HEMK2: variants seen among roughly 807,000 people sequenced by gnomAD.
HEMK2 encodes methyltransferase HEMK2.
the HEMK2 span, among the ~76,000 whole-genome samples, chr21:28,771,523 C>CCA: frequency 1.9e-5 from 2 of 106,182 alleles, no homozygotes; most frequent in East Asian, 5.2e-4. Flanking sequence ...GCACCACCCC[C>CCA]CCCCGCCAAA....
chr21:28,851,844 G>A, the HEMK2 span, among the ~76,000 whole-genome samples: 9 of 152,228 alleles, frequency 5.9e-5, no homozygotes, highest in Non-Finnish European at 1.3e-4. Flanking sequence ...TATACTGCTA[G>A]CCTTGCCAGC....
chr21:28,742,634 T>C, the HEMK2 span, among the ~76,000 whole-genome samples: 1 of 151,268 alleles, frequency 6.6e-6, no homozygotes, highest in Non-Finnish European at 1.5e-5. Context: ...TAATCATAAA[T>C]GATCATTTTT....
the HEMK2 span, among the ~76,000 whole-genome samples, chr21:28,696,063 T>TA: frequency 6.6e-6 from 1 of 152,124 alleles, no homozygotes; most frequent in Non-Finnish European, 1.5e-5. Flanking sequence ...AGGCACATCT[T>TA]ACTATGGCAG....
At chr21:28,773,750 A>T in the HEMK2 span, among the ~76,000 whole-genome samples, 1 of 152,168 alleles carries the variant, frequency 6.6e-6, no homozygotes, top group African/African-American at 2.4e-5. Context: ...CTCTACTGGT[A>T]TTCTGCATCA....
chr21:28,748,261 C>A, the HEMK2 span, among the ~76,000 whole-genome samples: 29,472 of 152,016 alleles, frequency 0.19, 3,573 homozygotes, highest in African/African-American at 0.34. Context: ...CCTGAATCTA[C>A]AATGAACATT....
chr21:28,603,354 A>G, the HEMK2 span, among the ~76,000 whole-genome samples: 1 of 152,006 alleles, frequency 6.6e-6, no homozygotes, highest in African/African-American at 2.4e-5. Context: ...TTCTTATTCT[A>G]TGGTGACATT....
At chr21:28,696,143 T>C in the HEMK2 span, among the ~76,000 whole-genome samples, 1 of 152,032 alleles carries the variant, frequency 6.6e-6, no homozygotes, top group Non-Finnish European at 1.5e-5. Flanking sequence ...TTATAAGACT[T>C]ATTCACTACC....
chr21:28,883,719 G>A, the HEMK2 span, among the ~76,000 whole-genome samples: 1 of 152,064 alleles, frequency 6.6e-6, no homozygotes, highest in Middle Eastern at 3.4e-3. Context: ...CTATAATCTT[G>A]GAAGTTGCTT....
At chr21:28,764,467 T>C in the HEMK2 span, among the ~76,000 whole-genome samples, 444 of 152,014 alleles carry the variant, frequency 2.9e-3, 1 homozygote, top group African/African-American at 0.01. Context: ...ACAAGGAATA[T>C]AGGAGACAGA....
the HEMK2 span, among the ~76,000 whole-genome samples, chr21:28,601,517 C>T: frequency 4.6e-5 from 7 of 152,092 alleles, no homozygotes; most frequent in Non-Finnish European, 1.0e-4. Context: ...TATTTACAAT[C>T]GCACTACACC....
At chr21:28,722,317 T>A in the HEMK2 span, among the ~76,000 whole-genome samples, 652 of 152,170 alleles carry the variant, frequency 4.3e-3, 3 homozygotes, top group African/African-American at 0.014. Context: ...TACAGTGAAG[T>A]TTGCAGATGA....
chr21:28,796,529 C>G, the HEMK2 span, among the ~76,000 whole-genome samples: 1 of 152,108 alleles, frequency 6.6e-6, no homozygotes, highest in Non-Finnish European at 1.5e-5. Context: ...GCTATTAGAA[C>G]TATTCCAAAA....
chr21:28,767,043 T>C, the HEMK2 span, among the ~76,000 whole-genome samples: 1 of 152,022 alleles, frequency 6.6e-6, no homozygotes, highest in Non-Finnish European at 1.5e-5. Context: ...TGGGAGGTAA[T>C]TGAGTCATGG....
At chr21:28,670,796 AAG>A in the HEMK2 span, among the ~76,000 whole-genome samples, 1 of 152,218 alleles carries the variant, frequency 6.6e-6, no homozygotes, top group African/African-American at 2.4e-5. Flanking sequence ...GGCAGCAGGC[AAG>A]AGAGAGCATG....
At chr21:28,878,659 T>C in the HEMK2 span, among the ~76,000 whole-genome samples, 1 of 151,908 alleles carries the variant, frequency 6.6e-6, no homozygotes, top group Admixed American at 6.6e-5. Context: ...TAGGAATAAA[T>C]AAGGAAGTAT....
chr21:28,823,788 C>G, the HEMK2 span, among the ~76,000 whole-genome samples: 2 of 152,100 alleles, frequency 1.3e-5, no homozygotes, highest in African/African-American at 4.8e-5. Flanking sequence ...AAACTTCATT[C>G]AGCACATGTT....
chr21:28,877,310 AAG>A, the HEMK2 span, among the ~76,000 whole-genome samples: 204 of 98,318 alleles, frequency 2.1e-3, 1 homozygote, highest in African/African-American at 7.0e-3. Flanking sequence ...GAGAGAGAGA[AAG>A]AGAGAAAGAA....
the HEMK2 span, among the ~76,000 whole-genome samples, chr21:28,757,809 T>C: frequency 6.6e-6 from 1 of 152,112 alleles, no homozygotes; most frequent in Admixed American, 6.6e-5. Context: ...GAGGAGGGCA[T>C]TCTGGGACAG....
the HEMK2 span, among the ~76,000 whole-genome samples, chr21:28,615,990 T>C: frequency 6.6e-6 from 1 of 152,184 alleles, no homozygotes; most frequent in Non-Finnish European, 1.5e-5. Flanking sequence ...ATAACTAATA[T>C]TTAAAGTACA....
Sources: allele counts gnomAD v4.1 joint callset (sites outside exome capture counted in the v4.1 genomes callset), GRCh38; gene constraint gnomAD v4.1.1; transcripts MANE v1.5; gene names NCBI Gene and HGNC (gene_info 2026-07-23, HGNC 2026-07-21).